Variants in LIAS observed in about 807,000 individuals in gnomAD.
The protein encoded by LIAS is lipoic acid synthetase.
A neutral mutation model predicts 49.4 loss-of-function variants in LIAS; 36 were observed. That is an observed-to-expected ratio of 0.73 (90% CI 0.56 to 0.96). The LOEUF (loss-of-function observed/expected upper bound fraction) is 0.96. Among genes scored for constraint, LIAS ranks in the 40% least tolerant of loss-of-function variants. The pLI is 0.00. For synonymous variants in LIAS, 145 were observed against 155.8 expected, an observed-to-expected ratio of 0.93 and a Z score of 0.52; for missense variants, 399 against 456.3, an observed-to-expected ratio of 0.87 and a Z score of 1.14.
In LIAS at chr4:39,460,649, C is replaced by G. The variant is rs1194296850; in HGVS notation, c.46-141C>G. On this transcript the variant is annotated intron_variant, in intron 1 of 10. Transcript: ENST00000640888. The stretch of plus-strand genomic sequence containing the variant: ...CAGTCATCTTTTATATTCTAATGCC[C>G]TAGAATACTAGAGCTCCTAGTTTGA... The G allele has an allele frequency of 6.7e-6, 4 of 598,246 alleles. No individual in the cohort carries two copies. The East Asian group carries it at 8.3e-5, about 12-fold the overall frequency. 37.1% of individuals were successfully genotyped at this position (598,246 alleles called of 1,614,324 possible).
At chr4:39,461,904 A>G (rs1744516284) in intron 2 of LIAS, among the ~76,000 whole-genome samples, 1 of 152,148 alleles carries the variant, frequency 6.6e-6, no homozygotes, top group South Asian at 2.1e-4. Context: ...CATATTGGCC[A>G]AACTAGTCTC....
chr4:39,474,262 CAAAAAAAA>C (rs34137564), intron 10 of LIAS, among the ~76,000 whole-genome samples: 1 of 92,406 alleles, frequency 1.1e-5, no homozygotes, highest in African/African-American at 4.3e-5. Flanking sequence ...GACTCTGTCT[CAAAAAAAA>C]AAAAAAAAAA....
chr4:39,476,765 T>A, intron 10 of LIAS: 1 of 256,878 alleles, frequency 3.9e-6, no homozygotes, highest in Non-Finnish European at 7.3e-6. Flanking sequence ...ATAGTGCACA[T>A]AAAGTAGAAT....
In LIAS at chr4:39,476,892, G is replaced by A. The variant is rs111675646; in HGVS notation, c.1067-171G>A. 4.7e-4 allele frequency: 261 copies of A among 560,826 alleles called. No individual in the cohort carries two copies. The African/African-American group carries it at 4.7e-3, about 10-fold the overall frequency. 34.7% of individuals were successfully genotyped at this position (560,826 alleles called of 1,614,324 possible). On this transcript the variant is annotated intron_variant, in intron 10 of 10. Coordinates refer to ENST00000640888, the MANE Select transcript of LIAS (RefSeq NM_006859.4). Reference sequence around the variant, plus strand: ...TGGGGAGAAAGGCCAAAGATAATAGGGGATATTTAGGTTAGAAAAATATTG... The same window carrying A: ...TGGGGAGAAAGGCCAAAGATAATAGAGGATATTTAGGTTAGAAAAATATTG...
rs1436663896 is a variant in LIAS, at chr4:39,463,575, A to G, written c.363A>G (p.Gly121=). ...ATATTGGAGAGTGTTGGGGAGGTGG[A>G]GAATATGCCACCGCCACAGCCACGA... ...CPNIGECWGG[G]EYATATATIM... is the part of the protein sequence containing the mutation. Residue 121 remains glycine (G), a synonymous_variant, in exon 4 of 11, where the codon GGA becomes GGG. Transcript: ENST00000640888. 1 of 1,612,828 alleles carries G rather than the reference A, an allele frequency of 6.2e-7. No homozygotes were observed. Among genetic ancestry groups the G allele is most frequent in the Admixed American group, 1.7e-5 (1 of 59,886 alleles).
At chr4:39,460,756 A>T in intron 1 of LIAS, 34 bp from the exon 2 acceptor site, 3 of 1,516,156 alleles carry the variant, frequency 2.0e-6, no homozygotes, top group Non-Finnish European at 2.7e-6. Flanking sequence ...TACGGACTCC[A>T]CTAAATAAAC....
intron 8 of LIAS, chr4:39,470,426 C>T (rs1334011847): frequency 6.4e-6 from 2 of 314,688 alleles, no homozygotes; most frequent in Non-Finnish European, 1.2e-5. Context: ...CATTTTATTC[C>T]CCATCCTTTG....
intron 8 of LIAS, 35 bp from the exon 9 acceptor site, chr4:39,471,194 TTAAAGTA>T: frequency 7.0e-7 from 1 of 1,425,174 alleles, no homozygotes; most frequent in Non-Finnish European, 9.9e-7. Context: ...AGATCTACAA[TTAAAGTA>T]TTTGCTAATG....
intron 9 of LIAS, 77 bp from the exon 10 acceptor site, chr4:39,473,023 G>C (rs966348101): frequency 1.2e-5 from 10 of 826,730 alleles, no homozygotes; most frequent in Non-Finnish European, 2.0e-5. Context: ...AGAGCATTCT[G>C]CATACATAGG....
chr4:39,468,550 A>G (rs1413811307), intron 7 of LIAS: 5 of 143,464 alleles, frequency 3.5e-5, no homozygotes, highest in African/African-American at 7.7e-5. Flanking sequence ...ATTCATATAT[A>G]TTTATATATA....
At chr4:39,476,410 C>T (rs1745194037) in intron 10 of LIAS, 1 of 152,204 alleles carries the variant, frequency 6.6e-6, no homozygotes, top group South Asian at 2.1e-4. Flanking sequence ...AATCAGACTC[C>T]TCATAAAATC....
chr4:39,467,785 A>G lies in LIAS; in HGVS notation c.737+139A>G, dbSNP rs1042039779. 3.0e-5 allele frequency: 22 copies of G among 736,158 alleles called. No homozygotes were observed. The African/African-American group carries it at 3.4e-4, about 11-fold the overall frequency. 45.6% of individuals were successfully genotyped at this position (736,158 alleles called of 1,614,324 possible). On this transcript the variant is annotated intron_variant, in intron 7 of 10. Coordinates refer to ENST00000640888, the MANE Select transcript of LIAS (RefSeq NM_006859.4). ...TCTTTTTTGTTTTTTAGGCAAACTC[A>G]ATCTATGTCTCTTACATAAAAATCA...
chr4:39,472,591 A>G (rs1330390727), intron 9 of LIAS, among the ~76,000 whole-genome samples: 1 of 152,162 alleles, frequency 6.6e-6, no homozygotes, highest in Non-Finnish European at 1.5e-5. Context: ...TGTTTTTGTT[A>G]TGTTAGAGCC....
At position 39,478,149 on chromosome 4, in the gene LIAS, G is replaced by C. The variant is rs914964283; in HGVS notation, c.*1034G>C. 4.6e-5 allele frequency: 7 copies of C among 152,202 alleles called. No homozygotes were observed. Among genetic ancestry groups the C allele is most frequent in the Non-Finnish European group, 8.8e-5 (6 of 68,040 alleles). 9.4% of individuals were successfully genotyped at this position (152,202 alleles called of 1,614,324 possible). A position where few individuals can be genotyped will look rare whatever the true frequency, so the allele number is the denominator to read the frequency against. ...TCAACTTTAGCATTCATTCAACGTA[G>C]ATTGAAACTCATCAGATTAGCATTT... On this transcript the variant is annotated 3_prime_UTR_variant, in exon 11 of 11. Transcript: ENST00000640888.
chr4:39,465,479 T>C, intron 6 of LIAS, 137 bp downstream of exon 6: 1 of 751,500 alleles, frequency 1.3e-6, no homozygotes, highest in African/African-American at 1.8e-5. Context: ...CTGGAAATTA[T>C]GTACACATTT....
intron 6 of LIAS, 52 bp from the exon 7 acceptor site, chr4:39,467,466 C>A (rs368600562): frequency 6.7e-7 from 1 of 1,484,846 alleles, no homozygotes; most frequent in African/African-American, 1.4e-5. Context: ...TTTTGAGGAA[C>A]AGGTATGTCA....
chr4:39,471,021 C>T (rs914865602), intron 8 of LIAS, among the ~76,000 whole-genome samples: 3 of 152,154 alleles, frequency 2.0e-5, no homozygotes, highest in Non-Finnish European at 4.4e-5. Context: ...TATGTATCAG[C>T]CCTACATGAC....
rs1389295018 is a variant in LIAS, at chr4:39,459,337, AG to A, written c.45+176del. ...AATTATCCCGCCAGCCCCATGATAT[AG>A]AGTCTCTGGCATCAGTTTGTTTGCA... On this transcript the variant is annotated intron_variant, in intron 1 of 10. Coordinates refer to ENST00000640888, the MANE Select transcript of LIAS (RefSeq NM_006859.4). 2.7e-5 allele frequency: 17 copies of A among 624,732 alleles called. No homozygotes were observed. The East Asian group carries it at 4.7e-4, about 17-fold the overall frequency. 38.7% of individuals were successfully genotyped at this position (624,732 alleles called of 1,614,324 possible). A position where few individuals can be genotyped will look rare whatever the true frequency, so the allele number is the denominator to read the frequency against.
chr4:39,472,213 GGAAAA>G (rs1409467692), intron 9 of LIAS, among the ~76,000 whole-genome samples: 1 of 151,474 alleles, frequency 6.6e-6, no homozygotes, highest in Non-Finnish European at 1.5e-5. Flanking sequence ...AAAATCATAA[GGAAAA>G]GAAAATATAT....
Sources: gnomAD v4.1 joint callset for allele counts (sites outside exome capture counted in the v4.1 genomes callset) on GRCh38, gnomAD v4.1.1 for gene constraint, MANE v1.5 for transcripts, NCBI Gene and HGNC (gene_info 2026-07-23, HGNC 2026-07-21) for gene names.